SNAPC3: variants seen among roughly 807,000 people sequenced by gnomAD.
SNAPC3 encodes the protein small nuclear RNA activating complex polypeptide 3.
In SNAPC3, 56 loss-of-function variants were observed where a neutral mutation model predicts 47.7. The observed-to-expected ratio is 1.18, with a 90% CI of 0.95 to 1.47. The LOEUF is 1.47. Among genes scored for constraint, SNAPC3 ranks in the 40% most tolerant of loss-of-function variants. SNAPC3 has a pLI of 0.00. For missense variants in SNAPC3, 665 were observed against 511.3 expected, an observed-to-expected ratio of 1.30 and a Z score of -2.90; for synonymous variants, 235 against 189.9, an observed-to-expected ratio of 1.24 and a Z score of -1.95.
chr9:15,446,475 G>C (rs2033941494), intron 4 of SNAPC3, among the ~76,000 whole-genome samples: 1 of 152,160 alleles, frequency 6.6e-6, no homozygotes, highest in Non-Finnish European at 1.5e-5. Flanking sequence ...CCAAAGTGTT[G>C]GGATTACAGG....
At chr9:15,431,577 C>G (rs950544655) in intron 2 of SNAPC3, among the ~76,000 whole-genome samples, 9 of 144,806 alleles carry the variant, frequency 6.2e-5, no homozygotes, top group Non-Finnish European at 1.1e-4. Context: ...AAGGACAAAC[C>G]AAAACTATAG....
chr9:15,453,492 A>G (rs1429287571), intron 7 of SNAPC3: 1 of 242,786 alleles, frequency 4.1e-6, no homozygotes, highest in Non-Finnish European at 7.8e-6. Flanking sequence ...TGTATTAAAT[A>G]GCTGTTATTC....
chr9:15,447,421 A>T (rs528767465), intron 5 of SNAPC3, among the ~76,000 whole-genome samples, 177 bp downstream of exon 5: 3 of 151,726 alleles, frequency 2.0e-5, no homozygotes, highest in African/African-American at 7.3e-5. Flanking sequence ...AAGAGGCTAG[A>T]CTCTGTTTTG....
intron 2 of SNAPC3, among the ~76,000 whole-genome samples, chr9:15,426,399 A>T (rs2031404280): frequency 6.6e-6 from 1 of 152,078 alleles, no homozygotes; most frequent in Non-Finnish European, 1.5e-5. Context: ...TGCTCATCAC[A>T]TCTGTAATAT....
intron 6 of SNAPC3, among the ~76,000 whole-genome samples, chr9:15,452,412 A>G (rs1563852669): frequency 6.7e-6 from 1 of 148,494 alleles, no homozygotes; most frequent in Non-Finnish European, 1.5e-5. Flanking sequence ...TCTGCCTTCC[A>G]GTTTCAAGCG....
chr9:15,457,422 G>T (rs745442390), intron 7 of SNAPC3, among the ~76,000 whole-genome samples: 1 of 151,876 alleles, frequency 6.6e-6, no homozygotes, highest in African/African-American at 2.4e-5. Context: ...TAGTGAGACC[G>T]TGTCTCTACA....
At chr9:15,426,247 G>A (rs1031930837) in intron 2 of SNAPC3, among the ~76,000 whole-genome samples, 1 of 151,268 alleles carries the variant, frequency 6.6e-6, no homozygotes. Context: ...CTCACTCCAG[G>A]CCTTTGCCCA....
In SNAPC3 at chr9:15,459,911, C is replaced by G; in HGVS notation, c.*45C>G. The G allele has an allele frequency of 6.4e-7, 1 of 1,551,578 alleles. No individual in the cohort carries two copies. The highest frequency in any genetic ancestry group is 8.8e-7 in the Non-Finnish European group (1 of 1,134,050). On this transcript the variant is annotated 3_prime_UTR_variant, in exon 9 of 9. Transcript: ENST00000380821. ...AATACCCCCTCATGAAATAACTGTT[C>G]TCTTGGATGGTTACCTTATTTCTAA...
rs1410579257 is a variant in SNAPC3, at chr9:15,452,956, G to A, written c.816-85G>A. On this transcript the variant is annotated intron_variant, in intron 6 of 8. Transcript: ENST00000380821. ...AGTTAGTTGGGTGAGCTAGGTTAAT[G>A]TGAATTACTGCAATCACAAACTGTT... 4 of 1,137,828 alleles carry A rather than the reference G, an allele frequency of 3.5e-6. No homozygotes were observed. In the African/African-American group the frequency reaches 4.7e-5, roughly 13 times the overall value. The allele number at this position is 1,137,828 out of a possible 1,614,324, so 70.5% of individuals were successfully genotyped here.
At chr9:15,452,952 T>A (rs1472899656) in intron 6 of SNAPC3, 89 bp from the exon 7 acceptor site, 2 of 1,077,662 alleles carry the variant, frequency 1.9e-6, no homozygotes, top group Non-Finnish European at 2.7e-6. Flanking sequence ...TGAGCTAGGT[T>A]AATGTGAATT....
intron 3 of SNAPC3, among the ~76,000 whole-genome samples, chr9:15,442,795 G>A (rs1439122488): frequency 4.6e-5 from 7 of 152,176 alleles, no homozygotes; most frequent in South Asian, 2.1e-4. Context: ...CTGCAATCTC[G>A]GCACTTTGGG....
At position 15,422,999 on chromosome 9, in the gene SNAPC3, C is replaced by G. The variant is rs2030745496; in HGVS notation, c.120C>G (p.Arg40=). The part of the protein sequence containing the change: ...PEYELPELNT[R]AFHVGAFGEL... ...ATGAGCTTCCCGAGCTAAATACGCGCGCTTTCCATGTGGGCGCCTTTGGGG... is the reference window on the plus strand; with the variant it reads ...ATGAGCTTCCCGAGCTAAATACGCGGGCTTTCCATGTGGGCGCCTTTGGGG... The change falls in exon 1 of 9, where the codon CGC becomes CGG. Residue 40 remains arginine, a synonymous_variant. Transcript: ENST00000380821. 1.3e-6 allele frequency: 2 copies of G among 1,545,110 alleles called. No homozygotes were observed. Among genetic ancestry groups the G allele is most frequent in the South Asian group, 1.2e-5 (1 of 82,578 alleles).
chr9:15,439,130 C>A (rs1444915576), intron 3 of SNAPC3, among the ~76,000 whole-genome samples: 1 of 152,102 alleles, frequency 6.6e-6, no homozygotes, highest in Admixed American at 6.5e-5. Context: ...CCACCTCCAC[C>A]TCCCAAGTAG....
intron 5 of SNAPC3, among the ~76,000 whole-genome samples, chr9:15,448,027 T>C (rs1280169023): frequency 1.3e-5 from 2 of 152,182 alleles, no homozygotes; most frequent in South Asian, 2.1e-4. Flanking sequence ...TAGGGCAGGA[T>C]TGAACTAAAC....
intron 3 of SNAPC3, among the ~76,000 whole-genome samples, chr9:15,437,974 A>G (rs894364391): frequency 9.9e-5 from 15 of 152,178 alleles, no homozygotes; most frequent in Non-Finnish European, 7.4e-5. Context: ...TCACTGTGGT[A>G]TCAAGATAAT....
intron 3 of SNAPC3, among the ~76,000 whole-genome samples, chr9:15,440,060 G>A (rs1177123885): frequency 6.6e-6 from 1 of 152,126 alleles, no homozygotes; most frequent in Non-Finnish European, 1.5e-5. Context: ...CAAATACTCT[G>A]CTTCCACATC....
At chr9:15,428,814 G>T (rs1015938546) in intron 2 of SNAPC3, among the ~76,000 whole-genome samples, 2 of 152,014 alleles carry the variant, frequency 1.3e-5, no homozygotes, top group Non-Finnish European at 2.9e-5. Flanking sequence ...AATTGAAAAT[G>T]ACAAAGAAAA....
At position 15,444,704 on chromosome 9, in the gene SNAPC3, A is replaced by T. The variant is rs1468364010; in HGVS notation, c.580A>T (p.Lys194Ter). The T allele has an allele frequency of 3.9e-6, 6 of 1,530,080 alleles. No individual in the cohort carries two copies. Among genetic ancestry groups the T allele is most frequent in the South Asian group, 1.1e-5 (1 of 87,700 alleles). 94.8% of individuals were successfully genotyped at this position (1,530,080 alleles called of 1,614,324 possible). Reference protein sequence around the residue: ...VNILYPVIFHKHKEHKPYQTM... With the variant: ...VNILYPVIFH ...TATCTTGTACCCTGTTATATTTCAT[A>T]AGGTAAGTAGTAAAACCTTTTGGAT... The change falls in exon 4 of 9, where the codon AAG becomes TAG. Residue 194 changes from lysine to a stop codon, truncating the protein, a stop_gained and splice_region_variant. Transcript: ENST00000380821. LOFTEE classifies it high-confidence loss of function.
chr9:15,463,482 G>A (rs1028690358), downstream of SNAPC3: 2 of 61,784 alleles, frequency 3.2e-5, no homozygotes, highest in South Asian at 6.8e-4. Flanking sequence ...CATATTACAC[G>A]TACTTTTTGG....
Sources: allele counts gnomAD v4.1 joint callset (sites outside exome capture counted in the v4.1 genomes callset), GRCh38; gene constraint gnomAD v4.1.1; transcripts MANE v1.5; gene names NCBI Gene and HGNC (gene_info 2026-07-23, HGNC 2026-07-21).